ZBBX: variants seen among roughly 807,000 people sequenced by gnomAD.
ZBBX encodes zinc finger B-box domain-containing protein 1.
Under a neutral mutation model 108.5 loss-of-function variants are expected in ZBBX, and 101 were observed. The observed-to-expected ratio is 0.93, with a 90% CI of 0.79 to 1.10. The LOEUF (loss-of-function observed/expected upper bound fraction) is 1.10. ZBBX is among the 50% of genes least tolerant of loss of function. ZBBX has a pLI of 0.00. For synonymous variants in ZBBX, 356 were observed against 323.4 expected (o/e 1.10, Z -1.08); for missense variants, 1,009 against 941.4 (o/e 1.07, Z -0.94).
the ZBBX span, among the ~76,000 whole-genome samples, chr3:167,197,875 T>C: frequency 1.3e-5 from 2 of 152,354 alleles, no homozygotes; most frequent in East Asian, 3.9e-4. Context: ...AACTACAGTA[T>C]GTGTCCAGAT....
At chr3:167,280,237 A>C (rs997697920) in intron 20 of ZBBX, among the ~76,000 whole-genome samples, 37 of 152,250 alleles carry the variant, frequency 2.4e-4, no homozygotes, top group African/African-American at 8.9e-4. Context: ...CAACAGCCAA[A>C]ATTGACAAAC....
the ZBBX span, among the ~76,000 whole-genome samples, chr3:167,179,918 T>A: frequency 2.6e-5 from 4 of 152,252 alleles, no homozygotes; most frequent in African/African-American, 9.6e-5. Flanking sequence ...CAAGTAAGAC[T>A]ATTTATAAAG....
At chr3:167,246,708 C>T (rs1721627498) in intron 20 of ZBBX, among the ~76,000 whole-genome samples, 1 of 152,144 alleles carries the variant, frequency 6.6e-6, no homozygotes, top group Non-Finnish European at 1.5e-5. Flanking sequence ...AATACTTTTT[C>T]ACAATGTGTA....
At chr3:167,256,329 G>T (rs368657097) in intron 20 of ZBBX, among the ~76,000 whole-genome samples, 2 of 151,946 alleles carry the variant, frequency 1.3e-5, no homozygotes, top group African/African-American at 4.8e-5. Flanking sequence ...ATTGTTGTGG[G>T]CACATAGTAG....
chr3:167,248,821 G>A (rs1396149716), intron 20 of ZBBX, among the ~76,000 whole-genome samples: 4 of 152,212 alleles, frequency 2.6e-5, no homozygotes, highest in African/African-American at 9.7e-5. Context: ...GAGAAATGGG[G>A]GCAAAGGTGA....
At chr3:167,396,141 T>C (rs1283599246) in intron 1 of ZBBX, among the ~76,000 whole-genome samples, 6 of 152,048 alleles carry the variant, frequency 3.9e-5, no homozygotes, top group Non-Finnish European at 7.4e-5. Context: ...ATCTAAGTTA[T>C]GCTGACTGTA....
the ZBBX span, among the ~76,000 whole-genome samples, chr3:167,217,643 C>G: frequency 2.6e-5 from 4 of 152,112 alleles, no homozygotes; most frequent in African/African-American, 9.7e-5. Flanking sequence ...AAGCATTATA[C>G]CATAAACACA....
intron 20 of ZBBX, among the ~76,000 whole-genome samples, chr3:167,260,578 G>C (rs751108602): frequency 7.2e-5 from 11 of 152,096 alleles, no homozygotes; most frequent in Non-Finnish European, 1.0e-4. Context: ...TAAAGACCTT[G>C]TCTTTGAGCT....
the ZBBX span, among the ~76,000 whole-genome samples, chr3:167,193,923 G>A: frequency 1.3e-5 from 2 of 152,058 alleles, no homozygotes; most frequent in African/African-American, 2.4e-5. Flanking sequence ...GAGCTAAAAT[G>A]GTTGGTCTCA....
At chr3:167,402,462 G>C (rs1748455057) in intron 1 of ZBBX, among the ~76,000 whole-genome samples, 2 of 152,030 alleles carry the variant, frequency 1.3e-5, no homozygotes, top group Non-Finnish European at 2.9e-5. Flanking sequence ...AAAATAACTT[G>C]AAATTTCTTG....
intron 16 of ZBBX, among the ~76,000 whole-genome samples, chr3:167,310,910 A>AT (rs1016221565): frequency 2.6e-5 from 4 of 152,154 alleles, no homozygotes; most frequent in Non-Finnish European, 4.4e-5. Flanking sequence ...TTGTTAAGAT[A>AT]TTTTTTCCCA....
intron 20 of ZBBX, among the ~76,000 whole-genome samples, chr3:167,264,431 T>A (rs566152931): frequency 1.4e-3 from 209 of 152,322 alleles, no homozygotes; most frequent in African/African-American, 4.8e-3. Context: ...TAACCCATCA[T>A]TTTAAACTGA....
At chr3:167,257,559 C>T (rs941526904) in intron 20 of ZBBX, among the ~76,000 whole-genome samples, 1 of 152,082 alleles carries the variant, frequency 6.6e-6, no homozygotes, top group Non-Finnish European at 1.5e-5. Flanking sequence ...TTAAGACCTT[C>T]TATACCCAGT....
intron 9 of ZBBX, among the ~76,000 whole-genome samples, chr3:167,346,855 G>T (rs1040762468): frequency 2.0e-5 from 3 of 151,760 alleles, no homozygotes; most frequent in African/African-American, 7.3e-5. Flanking sequence ...CATGTTGACT[G>T]AAAAAAGAAG....
At chr3:167,191,094 A>G in the ZBBX span, among the ~76,000 whole-genome samples, 2 of 152,194 alleles carry the variant, frequency 1.3e-5, no homozygotes, top group African/African-American at 4.8e-5. Flanking sequence ...CAAGTTACTA[A>G]AGTAGAAACC....
chr3:167,239,892 G>C lies in ZBBX; in HGVS notation c.*901C>G, dbSNP rs1308770290. ...ATTGACTCACAGTTCAGCATGGTGG[G>C]GGAGGCCTCAGGAAATCATGGTGAA... On this transcript the variant is annotated 3_prime_UTR_variant, in exon 22 of 22. Transcript: ENST00000675490. Among the ~76,000 whole-genome samples the C allele has an allele frequency of 6.6e-6, 1 of 152,078 alleles. No individual in the cohort carries two copies. Among genetic ancestry groups the C allele is most frequent in the East Asian group, 1.9e-4 (1 of 5,174 alleles).
chr3:167,271,632 TG>T (rs572369780), intron 20 of ZBBX, among the ~76,000 whole-genome samples: 1 of 152,262 alleles, frequency 6.6e-6, no homozygotes, highest in South Asian at 2.1e-4. Flanking sequence ...TCAGAGTTCA[TG>T]GGTGTATAGG....
chr3:167,357,154 A>T (rs1743715227), intron 8 of ZBBX, among the ~76,000 whole-genome samples: 1 of 152,150 alleles, frequency 6.6e-6, no homozygotes, highest in Non-Finnish European at 1.5e-5. Flanking sequence ...ATTGCTAAAG[A>T]GTAAGTATAG....
chr3:167,298,975 T>C (rs1732152901), intron 17 of ZBBX, among the ~76,000 whole-genome samples: 2 of 152,058 alleles, frequency 1.3e-5, no homozygotes, highest in South Asian at 4.1e-4. Context: ...AAGTAATTTA[T>C]GACGTTTATA....
Sources: gnomAD v4.1 joint callset for allele counts (sites outside exome capture counted in the v4.1 genomes callset) on GRCh38, gnomAD v4.1.1 for gene constraint, MANE v1.5 for transcripts, NCBI Gene and HGNC (gene_info 2026-07-23, HGNC 2026-07-21) for gene names.